YTHDF3: variants seen among roughly 807,000 people sequenced by gnomAD.
YTHDF3 encodes the protein YTH domain-containing family protein 3.
In YTHDF3, 9 loss-of-function variants were observed where a neutral mutation model predicts 52.5. The ratio of observed to expected loss-of-function variants is 0.17; its 90% CI spans 0.10 to 0.30. YTHDF3 has a LOEUF of 0.30. Ranked by LOEUF, YTHDF3 falls within the 10% of genes least tolerant of loss-of-function variation. YTHDF3 has a pLI of 1.00. For synonymous variants in YTHDF3, 274 were observed against 243.3 expected (o/e 1.13, Z -1.18); for missense variants, 534 against 715.0 (o/e 0.75, Z 2.89).
At chr8:63,181,202 A>G (rs1211322161) in intron 3 of YTHDF3, among the ~76,000 whole-genome samples, 1 of 152,198 alleles carries the variant, frequency 6.6e-6, no homozygotes, top group African/African-American at 2.4e-5. Context: ...AGTACTATAG[A>G]GAATTAAATT....
rs556044454 is a variant in YTHDF3, at chr8:63,170,659, C to T, written c.49+1248C>T. ...AATGATCCATTAATTTCTTCTTTTG[C>T]TAGTCTACCCATTAGGAACTATGTA... On this transcript the variant is annotated intron_variant, in intron 2 of 4. Transcript: ENST00000539294. Among the ~76,000 whole-genome samples the T allele has an allele frequency of 5.3e-4, 81 of 152,112 alleles. 1 individual carries two copies. In the South Asian group the frequency reaches 0.015, roughly 27 times the overall value.
intron 4 of YTHDF3, among the ~76,000 whole-genome samples, chr8:63,198,655 T>A (rs1809392201): frequency 6.6e-6 from 1 of 152,168 alleles, no homozygotes; most frequent in South Asian, 2.1e-4. Context: ...TGATGTTAGG[T>A]CTATCTCAGA....
At chr8:63,169,117 GA>G (rs1807098791) in intron 1 of YTHDF3, 1 of 1,399,766 alleles carries the variant, frequency 7.1e-7, no homozygotes, top group Non-Finnish European at 9.2e-7. Flanking sequence ...TGGGGGCAAG[GA>G]CCGGTCTTAG....
At chr8:63,209,202 G>A (rs771752805) in intron 4 of YTHDF3, among the ~76,000 whole-genome samples, 2 of 152,070 alleles carry the variant, frequency 1.3e-5, no homozygotes, top group African/African-American at 2.4e-5. Flanking sequence ...GTTATCTATC[G>A]TGTGCTGAAA....
intron 1 of YTHDF3, 37 bp from the exon 2 acceptor site, chr8:63,169,350 T>C (rs767920575): frequency 1.3e-6 from 2 of 1,590,108 alleles, no homozygotes; most frequent in South Asian, 2.3e-5. Context: ...TTCTTCCTTT[T>C]TCTCCTCTTT....
At chr8:63,207,166 A>C (rs1172910703) in intron 4 of YTHDF3, among the ~76,000 whole-genome samples, 2 of 152,092 alleles carry the variant, frequency 1.3e-5, no homozygotes, top group Non-Finnish European at 2.9e-5. Context: ...CTTTTCAAAA[A>C]CTGTTATGTA....
At chr8:63,169,347 T>A in intron 1 of YTHDF3, 40 bp from the exon 2 acceptor site, 3 of 1,584,644 alleles carry the variant, frequency 1.9e-6, no homozygotes, top group Non-Finnish European at 2.6e-6. Flanking sequence ...CTTTTCTTCC[T>A]TTTTCTCCTC....
Position 63,194,302 on chromosome 8 carries a change from G to A in YTHDF3, c.1734+6557G>A, listed in dbSNP as rs1809099192. On this transcript the variant is annotated intron_variant, in intron 4 of 4. Transcript: ENST00000539294. ...AGTTTGAGATCAGCCTGGCTAACATGTTGAAACCCCTTTTCTACTAAAAAT... is the reference window on the plus strand; with the variant it reads ...AGTTTGAGATCAGCCTGGCTAACATATTGAAACCCCTTTTCTACTAAAAAT... 1.3e-5 allele frequency among the ~76,000 whole-genome samples: 2 copies of A among 151,908 alleles called. 1 individual carries two copies. The highest frequency in any genetic ancestry group is 3.9e-4 in the East Asian group (2 of 5,150).
intron 4 of YTHDF3, among the ~76,000 whole-genome samples, chr8:63,188,564 G>A (rs948600572): frequency 8.1e-5 from 12 of 148,838 alleles, no homozygotes; most frequent in South Asian, 4.2e-4. Flanking sequence ...CAAAGGATCT[G>A]CCCCTACCCC....
intron 4 of YTHDF3, among the ~76,000 whole-genome samples, chr8:63,202,805 C>T (rs2150396904): frequency 6.6e-6 from 1 of 152,156 alleles, no homozygotes; most frequent in Admixed American, 6.5e-5. Flanking sequence ...ACCTATCAGC[C>T]ACCTATGCAG....
chr8:63,193,374 CAAAAAAAAA>C (rs758787473), intron 4 of YTHDF3, among the ~76,000 whole-genome samples: 3,450 of 54,158 alleles, frequency 0.064, 166 homozygotes, highest in African/African-American at 0.19. Flanking sequence ...AGACTCCGTC[CAAAAAAAAA>C]AAAAAAAAAA....
At position 63,189,999 on chromosome 8, in the gene YTHDF3, G is replaced by T. The variant is rs58388229; in HGVS notation, c.1734+2254G>T. ...TTCAGTTTAGCAGTTAAGTAAAGTG[G>T]TCATATTGTAACTGCCATTACAAGT... is the stretch of plus-strand genomic sequence containing the variant. On this transcript the variant is annotated intron_variant, in intron 4 of 4. Coordinates refer to ENST00000539294, the MANE Select transcript of YTHDF3 (RefSeq NM_152758.6). 9.8e-3 allele frequency among the ~76,000 whole-genome samples: 1,487 copies of T among 152,292 alleles called. 21 individuals are homozygous for T. The highest frequency in any genetic ancestry group is 0.034 in the African/African-American group (1,414 of 41,580).
intron 4 of YTHDF3, among the ~76,000 whole-genome samples, chr8:63,202,518 A>G (rs967251836): frequency 2.0e-5 from 3 of 148,986 alleles, no homozygotes; most frequent in South Asian, 2.1e-4. Flanking sequence ...CTGGAGTGCA[A>G]TGGCACGATC....
intron 4 of YTHDF3, among the ~76,000 whole-genome samples, chr8:63,195,676 C>T (rs1229819478): frequency 6.6e-6 from 1 of 151,924 alleles, no homozygotes; most frequent in Non-Finnish European, 1.5e-5. Flanking sequence ...GGGAGGAATA[C>T]ATGAGCCCAG....
intron 3 of YTHDF3, among the ~76,000 whole-genome samples, chr8:63,179,616 C>T (rs1807940961): frequency 1.3e-5 from 2 of 152,214 alleles, no homozygotes; most frequent in African/African-American, 2.4e-5. Flanking sequence ...CCATGTCTAC[C>T]TCTTTCTACA....
At chr8:63,187,942 A>G (rs1024910636) in intron 4 of YTHDF3, among the ~76,000 whole-genome samples, 197 bp downstream of exon 4, 1 of 152,136 alleles carries the variant, frequency 6.6e-6, no homozygotes. Flanking sequence ...ACTCACGCTG[A>G]GTTAGCCTCT....
intron 4 of YTHDF3, among the ~76,000 whole-genome samples, chr8:63,194,934 A>G (rs1361530975): frequency 6.6e-6 from 1 of 152,194 alleles, no homozygotes; most frequent in African/African-American, 2.4e-5. Context: ...TTTTCTTTAA[A>G]TTCTTGAGCC....
At chr8:63,173,391 C>T (rs1807476164) in intron 2 of YTHDF3, among the ~76,000 whole-genome samples, 1 of 151,666 alleles carries the variant, frequency 6.6e-6, no homozygotes, top group African/African-American at 2.4e-5. Flanking sequence ...AGGCACATGC[C>T]ACCACTCCTG....
chr8:63,170,854 A>G (rs1360461511), intron 2 of YTHDF3, among the ~76,000 whole-genome samples: 1 of 152,166 alleles, frequency 6.6e-6, no homozygotes, highest in Non-Finnish European at 1.5e-5. Context: ...TTAAAACAAA[A>G]TAGAGCCTCT....
Sources: allele counts gnomAD v4.1 joint callset (sites outside exome capture counted in the v4.1 genomes callset), GRCh38; gene constraint gnomAD v4.1.1; transcripts MANE v1.5; gene names NCBI Gene and HGNC (gene_info 2026-07-23, HGNC 2026-07-21).